Variants in PPFIA4 observed in about 807,000 individuals in gnomAD.
The protein encoded by PPFIA4 is PPFI scaffold protein A4, also known as liprin-alpha-4.
PPFIA4 carries 98 observed loss-of-function variants against 145.7 expected under a neutral mutation model. The observed-to-expected ratio is 0.67, with a 90% CI of 0.57 to 0.80. The LOEUF (loss-of-function observed/expected upper bound fraction) is 0.80. PPFIA4 is among the 30% of genes least tolerant of loss of function. PPFIA4 has a pLI of 0.00. For missense variants in PPFIA4, 1,457 were observed against 1,632.7 expected (o/e 0.89, Z 1.85); for synonymous variants, 628 against 649.6 (o/e 0.97, Z 0.51).
At chr1:203,053,694 C>G in intron 14 of PPFIA4, 59 bp from the exon 15 acceptor site, 2 of 1,444,588 alleles carry the variant, frequency 1.4e-6, no homozygotes, top group Non-Finnish European at 1.9e-6. Context: ...AGGGAGGGTC[C>G]TGCTCTGCAG....
At chr1:203,054,222 C>T (rs1471049084) in intron 15 of PPFIA4, 2 of 652,742 alleles carry the variant, frequency 3.1e-6, no homozygotes, top group Admixed American at 4.5e-5. Flanking sequence ...TGTGTTCCTG[C>T]AGCCCTGCAG....
chr1:203,027,244 A>C (rs1273288821), intron 1 of PPFIA4, among the ~76,000 whole-genome samples: 2 of 152,092 alleles, frequency 1.3e-5, no homozygotes, highest in Non-Finnish European at 2.9e-5. Context: ...GCGCAACAGG[A>C]AAAGAGGGCT....
chr1:203,039,238 C>T lies in PPFIA4; in HGVS notation c.230C>T (p.Pro77Leu). 3 of 1,582,074 alleles carry T rather than the reference C, an allele frequency of 1.9e-6. No homozygotes were observed. Among genetic ancestry groups the T allele is most frequent in the Non-Finnish European group, 2.6e-6 (3 of 1,165,350 alleles). ...QLQRHLNSAL[P>L]QEFATLTREL... ...CAGCGCCACCTTAACTCCGCCCTCC[C>T]CCAGGTAAGGCCCGAAGGCCTGCGT... The change falls in exon 2 of 30, where the codon CCC becomes CTC. Residue 77 changes from proline (P) to leucine (L), a missense_variant. Pro to Leu is a moderately conservative substitution (Grantham distance 98, BLOSUM62 -3). Transcript: ENST00000295706.
At position 203,053,856 on chromosome 1, in the gene PPFIA4, G is replaced by C; in HGVS notation, c.1724G>C (p.Gly575Ala). ...GACGTGGATGAGGATGAGCCAGGGG[G>C]TCTGGTGGGCTCTGCGGATGTTGTC... Reference protein sequence around the residue: ...ISDVDEDEPGGLVGSADVVSP... With the variant: ...ISDVDEDEPGALVGSADVVSP... The change falls in exon 15 of 30, where the codon GGT becomes GCT. Residue 575 changes from glycine to alanine, a missense_variant. Gly to Ala is a moderately conservative substitution (Grantham distance 60, BLOSUM62 0). Transcript: ENST00000295706. 3 of 1,556,288 alleles carry C rather than the reference G, an allele frequency of 1.9e-6. No homozygotes were observed. The highest frequency in any genetic ancestry group is 2.6e-6 in the Non-Finnish European group (3 of 1,149,458).
chr1:203,067,801 G>C lies in PPFIA4; in HGVS notation c.3148+9G>C, dbSNP rs759307787. 1.9e-6 allele frequency: 3 copies of C among 1,613,122 alleles called. No individual in the cohort carries two copies. Among genetic ancestry groups the C allele is most frequent in the Admixed American group, 1.7e-5 (1 of 60,002 alleles). ...CCAGCATGAGATCAAGGGTAAGCTC[G>C]TCAGGCTTGGAGAGGGTTCGGGAGC... On this transcript the variant is annotated intron_variant, in intron 26 of 29. Transcript: ENST00000295706.
rs377290747 is a variant in PPFIA4, at chr1:203,076,382, C to T, written c.3616C>T (p.Arg1206Trp). ...CTACGGACACATGCTCTCCGCCTTC[C>T]GGGACTAGCCATGGCCCCCAGGGCT... ...YLYGHMLSAF[R>W]D is the part of the protein sequence containing the mutation. Residue 1206 changes from arginine (R) to tryptophan (W), a missense_variant, in exon 30 of 30, where the codon CGG becomes TGG. By Grantham distance (101) the Arg-to-Trp change is moderately radical. Around this residue, in one of 3 missense-constraint regions of PPFIA4, gnomAD observed 146 missense variants for 126.2 expected, o/e 1.16. Coordinates refer to ENST00000295706, the MANE Select transcript of PPFIA4 (RefSeq NM_001304331.2). 4 of 1,608,356 alleles carry T rather than the reference C, an allele frequency of 2.5e-6. No individual in the cohort carries two copies. Among genetic ancestry groups the T allele is most frequent in the Admixed American group, 3.3e-5 (2 of 60,018 alleles).
In PPFIA4 at chr1:203,075,785, C is replaced by G; in HGVS notation, c.3574+28C>G. 3 of 1,351,484 alleles carry G rather than the reference C, an allele frequency of 2.2e-6. No homozygotes were observed. Among genetic ancestry groups the G allele is most frequent in the Non-Finnish European group, 2.9e-6 (3 of 1,046,958 alleles). The allele number at this position is 1,351,484 out of a possible 1,614,324, so 83.7% of individuals were successfully genotyped here. A position where few individuals can be genotyped will look rare whatever the true frequency, so the allele number is the denominator to read the frequency against. ...GAGTAACAGGCGGGCTGGGCATGGC[C>G]GAGGCCCAGCCGAGCGCGGGCTTCT... is the stretch of plus-strand genomic sequence containing the variant. On this transcript the variant is annotated intron_variant, in intron 29 of 29. Coordinates refer to ENST00000295706, the MANE Select transcript of PPFIA4 (RefSeq NM_001304331.2). This position sits in a 1 kb window ranked among gnomAD's most constrained non-coding sequence, Gnocchi z 4.1.
At chr1:203,053,643 C>T in intron 14 of PPFIA4, 110 bp from the exon 15 acceptor site, 2 of 873,992 alleles carry the variant, frequency 2.3e-6, no homozygotes, top group Non-Finnish European at 1.8e-6. Flanking sequence ...TCTGCATTTC[C>T]AGCAAGCTCC....
At chr1:203,041,857 T>C (rs1374558122) in intron 2 of PPFIA4, among the ~76,000 whole-genome samples, 3 of 152,180 alleles carry the variant, frequency 2.0e-5, no homozygotes, top group Non-Finnish European at 4.4e-5. Flanking sequence ...TGTTTGTGCA[T>C]AAGCTGAGGG....
At chr1:203,063,297 G>A (rs187533382) in intron 24 of PPFIA4, 1 of 159,518 alleles carries the variant, frequency 6.3e-6, no homozygotes, top group East Asian at 1.9e-4. Context: ...AATGAGTGCT[G>A]CTGGCTATTC....
chr1:203,044,082 C>A lies in PPFIA4; in HGVS notation c.488C>A (p.Ala163Asp). The change falls in exon 4 of 30, where the codon GCC (alanine) becomes GAC (aspartate). Residue 163 changes from alanine to aspartate, a missense_variant. Transcript: ENST00000295706. Reference sequence around the variant, plus strand: ...AAGTCACTGTTTGAGCACCACAAGGCCCTGGATGAGAAGGTGCCCACCTGC... The same window carrying A: ...AAGTCACTGTTTGAGCACCACAAGGACCTGGATGAGAAGGTGCCCACCTGC... The part of the protein sequence containing the change: ...ALKSLFEHHK[A>D]LDEKVRERLR... The A allele has an allele frequency of 1.3e-6, 2 of 1,592,984 alleles. No individual in the cohort carries two copies. Among genetic ancestry groups the A allele is most frequent in the Non-Finnish European group, 8.6e-7 (1 of 1,168,976 alleles).
chr1:203,075,520 C>A lies in PPFIA4; in HGVS notation c.3394-57C>A. On this transcript the variant is annotated intron_variant, in intron 28 of 29. Transcript: ENST00000295706. The surrounding 1 kb of genome is among the most constrained non-coding windows in gnomAD (Gnocchi z 4.1). Reference sequence around the variant, plus strand: ...AGCGACTGGCCCCCTCCAGGCAGGGCGTGAGGATGGCAATTCCAACAGGGC... The same window carrying A: ...AGCGACTGGCCCCCTCCAGGCAGGGAGTGAGGATGGCAATTCCAACAGGGC... The A allele has an allele frequency of 7.5e-7, 1 of 1,326,936 alleles. No individual in the cohort carries two copies. The highest frequency in any genetic ancestry group is 9.7e-7 in the Non-Finnish European group (1 of 1,028,324). 82.2% of individuals were successfully genotyped at this position (1,326,936 alleles called of 1,614,324 possible).
chr1:203,057,391 C>A (rs901592440), intron 19 of PPFIA4, among the ~76,000 whole-genome samples: 11 of 152,156 alleles, frequency 7.2e-5, no homozygotes, highest in African/African-American at 2.7e-4. Flanking sequence ...GTGATAACAC[C>A]TAATTATAGC....
In PPFIA4 at chr1:203,039,043, ACCGCCTGGGTCCCC is replaced by A; in HGVS notation, c.37_50del (p.Arg13SerfsTer6). On this transcript the variant is annotated frameshift_variant, in exon 2 of 30. Coordinates refer to ENST00000295706, the MANE Select transcript of PPFIA4 (RefSeq NM_001304331.2). LOFTEE classifies it high-confidence loss of function. ...GTGATGCCCACAATCAATGAGGGGG[ACCGCCTGGGTCCCC>A]CTCATGGCGCCGATGCTGACGCCAA... 1 of 1,574,328 alleles carries A rather than the reference ACCGCCTGGGTCCCC, an allele frequency of 6.4e-7. No homozygotes were observed. The highest frequency in any genetic ancestry group is 8.6e-7 in the Non-Finnish European group (1 of 1,165,426).
intron 28 of PPFIA4, among the ~76,000 whole-genome samples, chr1:203,074,652 G>A (rs1352367350): frequency 6.6e-6 from 1 of 152,084 alleles, no homozygotes; most frequent in Non-Finnish European, 1.5e-5. Context: ...AATGTCCATT[G>A]TTCCTGCTAG....
chr1:203,053,243 C>T (rs60459187), intron 14 of PPFIA4, among the ~76,000 whole-genome samples: 1,881 of 152,264 alleles, frequency 0.012, 37 homozygotes, highest in African/African-American at 0.042. Flanking sequence ...ACAAATCACC[C>T]AGGGGTCAGC....
intron 1 of PPFIA4, chr1:203,034,389 G>C: frequency 2.2e-6 from 1 of 451,620 alleles, no homozygotes; most frequent in Non-Finnish European, 4.4e-6. Context: ...GTGAGGGCCA[G>C]GCTTCTGGGG....
In PPFIA4 at chr1:203,048,323, G is replaced by C. The variant is rs1459130877; in HGVS notation, c.1224+13G>C. 1 of 1,610,672 alleles carries C rather than the reference G, an allele frequency of 6.2e-7. No homozygotes were observed. The highest frequency in any genetic ancestry group is 8.5e-7 in the Non-Finnish European group (1 of 1,178,952). ...GGAGCTGGCACGGGTGAGGGCACCA[G>C]GCCGGGCCCTCAGGCCCCCTCCTTC... is the stretch of plus-strand genomic sequence containing the variant. On this transcript the variant is annotated intron_variant, in intron 10 of 29. Coordinates refer to ENST00000295706, the MANE Select transcript of PPFIA4 (RefSeq NM_001304331.2). This position sits in a 1 kb window ranked among gnomAD's most constrained non-coding sequence, Gnocchi z 5.8.
chr1:203,076,465 C>G lies in PPFIA4; in HGVS notation c.*75C>G. 7.2e-7 allele frequency: 1 copy of G among 1,398,490 alleles called. No homozygotes were observed. Among genetic ancestry groups the G allele is most frequent in the Non-Finnish European group, 1.0e-6 (1 of 995,394 alleles). 86.6% of individuals were successfully genotyped at this position (1,398,490 alleles called of 1,614,324 possible). On this transcript the variant is annotated 3_prime_UTR_variant, in exon 30 of 30. Coordinates refer to ENST00000295706, the MANE Select transcript of PPFIA4 (RefSeq NM_001304331.2). ...TGGCCCTGACCCCTCTTGCTCGTTC[C>G]CCTTCCTTCCGCAGCTCCTAGTCTC...
Sources: gnomAD v4.1 joint callset for allele counts (sites outside exome capture counted in the v4.1 genomes callset) on GRCh38, gnomAD v4.1.1 for gene constraint, gnomAD v4.1.1 regional missense constraint, Gnocchi (gnomAD v3.1) non-coding constraint, MANE v1.5 for transcripts, NCBI Gene and HGNC (gene_info 2026-07-23, HGNC 2026-07-21) for gene names.